Variants in PRKN observed in about 807,000 individuals in gnomAD.
The protein encoded by PRKN is E3 ubiquitin-protein ligase parkin.
In PRKN, 56 loss-of-function variants were observed where a neutral mutation model predicts 59.5. The ratio of observed to expected loss-of-function variants is 0.94; its 90% CI spans 0.76 to 1.18. The LOEUF (loss-of-function observed/expected upper bound fraction) is 1.18. PRKN is among the 50% of genes most tolerant of loss of function. PRKN has a pLI of 0.00. For synonymous variants in PRKN, 250 were observed against 222.1 expected, an observed-to-expected ratio of 1.13 and a Z score of -1.12; for missense variants, 657 against 596.4, an observed-to-expected ratio of 1.10 and a Z score of -1.06.
chr6:161,425,280 G>A (rs1788288641), intron 9 of PRKN, among the ~76,000 whole-genome samples: 1 of 152,162 alleles, frequency 6.6e-6, no homozygotes, highest in African/African-American at 2.4e-5. Context: ...AGAGAGCAGT[G>A]GGCAAAGAGT....
intron 7 of PRKN, among the ~76,000 whole-genome samples, chr6:161,651,211 T>G (rs1667605884): frequency 6.6e-6 from 1 of 152,212 alleles, no homozygotes; most frequent in Non-Finnish European, 1.5e-5. Flanking sequence ...ATGTACTAAT[T>G]AGGTTCCAAT....
intron 6 of PRKN, among the ~76,000 whole-genome samples, chr6:161,807,837 A>G (rs1791400837): frequency 6.6e-6 from 1 of 152,122 alleles, no homozygotes; most frequent in African/African-American, 2.4e-5. Flanking sequence ...ATCTGCAAGG[A>G]CTCCATTTCC....
At chr6:162,140,957 T>C (rs1380533437) in intron 4 of PRKN, among the ~76,000 whole-genome samples, 5 of 151,878 alleles carry the variant, frequency 3.3e-5, no homozygotes, top group Non-Finnish European at 7.4e-5. Context: ...TGAAACCCCG[T>C]CTCTACTAAA....
intron 7 of PRKN, among the ~76,000 whole-genome samples, chr6:161,691,173 T>C (rs1172058887): frequency 6.6e-6 from 1 of 152,212 alleles, no homozygotes; most frequent in Non-Finnish European, 1.5e-5. Flanking sequence ...AGCCTTAACA[T>C]ACTGCTTTAG....
chr6:162,056,284 C>T lies in PRKN; in HGVS notation c.535-2110G>A, dbSNP rs1045846603. Among the ~76,000 whole-genome samples, 2 of 151,692 alleles carry T rather than the reference C, an allele frequency of 1.3e-5. No individual in the cohort carries two copies. The highest frequency in any genetic ancestry group is 1.3e-4 in the Admixed American group (2 of 15,232). On this transcript the variant is annotated intron_variant, in intron 4 of 11. Coordinates refer to ENST00000366898, the MANE Select transcript of PRKN (RefSeq NM_004562.3). The surrounding 1 kb of genome is among the most constrained non-coding windows in gnomAD (Gnocchi z 4.9). ...AAACACATACATGCACACCAAGACA[C>T]ACCACACATGCATAAACACACCACG...
chr6:161,444,731 C>T lies in PRKN; in HGVS notation c.1084-57854G>A, dbSNP rs1479353921. Among the ~76,000 whole-genome samples, 2 of 152,180 alleles carry T rather than the reference C, an allele frequency of 1.3e-5. No individual in the cohort carries two copies. Among genetic ancestry groups the T allele is most frequent in the African/African-American group, 4.8e-5 (2 of 41,454 alleles). On this transcript the variant is annotated intron_variant, in intron 9 of 11. Coordinates refer to ENST00000366898, the MANE Select transcript of PRKN (RefSeq NM_004562.3). This position sits in a 1 kb window ranked among gnomAD's most constrained non-coding sequence, Gnocchi z 5.6. ...GCGTGGCGGTGGAAACATTTGTTCC[C>T]CTTGATGAATGAAACGGCACTCTTG...
At chr6:162,260,246 G>A (rs907217055) in intron 3 of PRKN, among the ~76,000 whole-genome samples, 1 of 152,096 alleles carries the variant, frequency 6.6e-6, no homozygotes, top group Non-Finnish European at 1.5e-5. Context: ...GGGTAAATGA[G>A]AAACAGGGTG....
intron 6 of PRKN, among the ~76,000 whole-genome samples, chr6:161,872,925 A>G (rs1365127627): frequency 2.0e-5 from 3 of 150,450 alleles, no homozygotes; most frequent in Admixed American, 1.3e-4. Flanking sequence ...TTTGGGTCCA[A>G]TTGTGAACTG....
At chr6:162,619,741 G>C (rs1275593158) in intron 1 of PRKN, among the ~76,000 whole-genome samples, 1 of 151,494 alleles carries the variant, frequency 6.6e-6, no homozygotes, top group Non-Finnish European at 1.5e-5. Context: ...CACTACCGCA[G>C]ATAGGCAAGC....
intron 2 of PRKN, among the ~76,000 whole-genome samples, chr6:162,428,640 C>T (rs983835588): frequency 6.6e-6 from 1 of 152,162 alleles, no homozygotes; most frequent in African/African-American, 2.4e-5. Flanking sequence ...TTTTCTCTTT[C>T]CCTTGCATCT....
intron 1 of PRKN, among the ~76,000 whole-genome samples, chr6:162,468,130 T>C (rs1791527765): frequency 2.0e-5 from 3 of 152,204 alleles, no homozygotes; most frequent in South Asian, 4.1e-4. Flanking sequence ...ACTTTGCCTC[T>C]GTATATTCAC....
chr6:162,334,158 C>A (rs139103936), intron 2 of PRKN, among the ~76,000 whole-genome samples: 1 of 152,098 alleles, frequency 6.6e-6, no homozygotes, highest in Admixed American at 6.5e-5. Flanking sequence ...TGTAAAAATG[C>A]GAGGTGAAGC....
chr6:161,757,922 T>C (rs1345170420), intron 7 of PRKN, among the ~76,000 whole-genome samples: 14 of 126,100 alleles, frequency 1.1e-4, no homozygotes, highest in African/African-American at 3.7e-4. Flanking sequence ...CACACACACA[T>C]CTCTCTCTCT....
rs138936675 is a variant in PRKN at position 161,444,399 on chromosome 6, T to C, written c.1084-57522A>G. Reference sequence around the variant, plus strand: ...CCCACCACCTTCCTCCAGGAATGTGTATGTCTGTGTGAAGTCCTCAAGGTC... The same window carrying C: ...CCCACCACCTTCCTCCAGGAATGTGCATGTCTGTGTGAAGTCCTCAAGGTC... On this transcript the variant is annotated intron_variant, in intron 9 of 11. Transcript: ENST00000366898. The surrounding 1 kb of genome is among the most constrained non-coding windows in gnomAD (Gnocchi z 5.6). 6.6e-6 allele frequency among the ~76,000 whole-genome samples: 1 copy of C among 152,316 alleles called. No individual in the cohort carries two copies. The highest frequency in any genetic ancestry group is 1.9e-4 in the East Asian group (1 of 5,182).
intron 7 of PRKN, among the ~76,000 whole-genome samples, chr6:161,677,447 T>C (rs2180026): frequency 0.97 from 148,117 of 152,334 alleles, 72,038 homozygotes; most frequent in East Asian, 1. Context: ...GCTTCTCCGT[T>C]GCCATGCAGC....
chr6:162,592,505 C>T lies in PRKN; in HGVS notation c.7+135157G>A, dbSNP rs532877832. Among the ~76,000 whole-genome samples, 188 of 152,224 alleles carry T rather than the reference C, an allele frequency of 1.2e-3. 2 individuals carry two copies. Among genetic ancestry groups the T allele is most frequent in the Non-Finnish European group, 1.6e-4 (11 of 68,012 alleles). ...GGATTTGTACAGTCCAGCATTGTGC[C>T]GATCAGTATTGGAACTGCTCATCAT... On this transcript the variant is annotated intron_variant, in intron 1 of 11. Coordinates refer to ENST00000366898, the MANE Select transcript of PRKN (RefSeq NM_004562.3).
At chr6:162,412,859 A>C (rs940039777) in intron 2 of PRKN, among the ~76,000 whole-genome samples, 1 of 152,188 alleles carries the variant, frequency 6.6e-6, no homozygotes, top group African/African-American at 2.4e-5. Context: ...GGATATACAA[A>C]GGTGCCGACA....
At chr6:161,888,177 T>C (rs1795221914) in intron 6 of PRKN, among the ~76,000 whole-genome samples, 1 of 152,176 alleles carries the variant, frequency 6.6e-6, no homozygotes, top group African/African-American at 2.4e-5. Flanking sequence ...TGAACATTAA[T>C]ATCATGTTCC....
Position 162,712,763 on chromosome 6 carries a change from T to C in PRKN, c.7+14899A>G, listed in dbSNP as rs183235921. On this transcript the variant is annotated intron_variant, in intron 1 of 11. Coordinates refer to ENST00000366898, the MANE Select transcript of PRKN (RefSeq NM_004562.3). Reference sequence around the variant, plus strand: ...CTTAATGTCCAAACATGAAGTTACATAGCTGTCCTAAAGTTGAACCTGTCT... The same window carrying C: ...CTTAATGTCCAAACATGAAGTTACACAGCTGTCCTAAAGTTGAACCTGTCT... Among the ~76,000 whole-genome samples the C allele has an allele frequency of 6.5e-3, 991 of 152,326 alleles. 7 individuals are homozygous for C. The highest frequency in any genetic ancestry group is 0.01 in the Non-Finnish European group (693 of 68,036).
Sources: allele counts gnomAD v4.1 joint callset (sites outside exome capture counted in the v4.1 genomes callset), GRCh38; gene constraint gnomAD v4.1.1; non-coding constraint Gnocchi (gnomAD v3.1); transcripts MANE v1.5; gene names NCBI Gene and HGNC (gene_info 2026-07-23, HGNC 2026-07-21).